The following AP1M1 variants were observed in gnomAD, a reference collection of about 807,000 sequenced individuals.
The protein encoded by AP1M1 is AP-1 complex subunit mu-1.
AP1M1 carries 18 observed loss-of-function variants against 57.1 expected under a neutral mutation model. That is an observed-to-expected ratio of 0.32 (90% confidence interval 0.22 to 0.47). AP1M1 has a LOEUF of 0.47. Among genes scored for constraint, AP1M1 ranks in the 20% least tolerant of loss-of-function variants. The probability of loss-of-function intolerance (pLI) is 1.00; values close to 1 mark genes in which losing one functional copy is unlikely to be tolerated. For missense variants in AP1M1, 362 were observed against 593.5 expected (o/e 0.61, Z 4.05); for synonymous variants, 241 against 237.9 (o/e 1.01, Z -0.12).
intron 5 of AP1M1, among the ~76,000 whole-genome samples, chr19:16,215,161 C>T (rs1172386579): frequency 1.7e-5 from 2 of 120,642 alleles, no homozygotes. Context: ...TGGTGGCTTA[C>T]ACCTGTAATC....
At chr19:16,217,526 C>A (rs2091524162) in intron 5 of AP1M1, among the ~76,000 whole-genome samples, 1 of 152,050 alleles carries the variant, frequency 6.6e-6, no homozygotes, top group African/African-American at 2.4e-5. Flanking sequence ...GGCCGCTGTG[C>A]AGGAGTATTC....
rs954754560 is a variant in AP1M1 at position 16,203,177 on chromosome 19, G to A, written c.43-282G>A. 2 of 453,854 alleles carry A rather than the reference G, an allele frequency of 4.4e-6. No individual in the cohort carries two copies. Among genetic ancestry groups the A allele is most frequent in the Non-Finnish European group, 8.1e-6 (2 of 247,310 alleles). 28.1% of individuals were successfully genotyped at this position (453,854 alleles called of 1,614,324 possible). On this transcript the variant is annotated intron_variant, in intron 1 of 11. Transcript: ENST00000291439. This position sits in a 1 kb window ranked among gnomAD's most constrained non-coding sequence, Gnocchi z 4.6. ...AGGCATTGCTTAACCTGATGTCTCT[G>A]GGTGATTCAGTCCTGGACCTTTGCT...
In AP1M1 at chr19:16,242,009, AAAAG is replaced by A. The variant is rs1263535871; in HGVS notation, c.*7578_*7581del. 6.6e-6 allele frequency: 1 copy of A among 152,040 alleles called. No individual in the cohort carries two copies. The highest frequency in any genetic ancestry group is 2.4e-5 in the African/African-American group (1 of 40,990). The allele number at this position is 152,040 out of a possible 1,614,324, so 9.4% of individuals were successfully genotyped here. A position where few individuals can be genotyped will look rare whatever the true frequency, so the allele number is the denominator to read the frequency against. ...TCCATCTCAAAAAAAAAAAGAAAGA[AAAAG>A]AAAAAGAACAATCAGGAGGCCAGGT... On this transcript the variant is annotated 3_prime_UTR_variant, in exon 12 of 12. Transcript: ENST00000291439.
chr19:16,228,137 G>C lies in AP1M1; in HGVS notation c.817G>C (p.Val273Leu). Residue 273 changes from valine (V) to leucine (L), a missense_variant and splice_region_variant, in exon 8 of 12, where the codon GTC (valine) becomes CTC (leucine). Transcript: ENST00000291439. The surrounding 1 kb of genome is among the most constrained non-coding windows in gnomAD (Gnocchi z 5.0). Reference sequence around the variant, plus strand: ...GCACCCTCTTTGCCCTCCTTGGCAGGTCAAGCCTTTGATATGGATCGAGTC... The same window carrying C: ...GCACCCTCTTTGCCCTCCTTGGCAGCTCAAGCCTTTGATATGGATCGAGTC... Reference protein sequence around the residue: ...ELMSYRLNTHVKPLIWIESVI... With the variant: ...ELMSYRLNTHLKPLIWIESVI... The C allele has an allele frequency of 2.5e-6, 4 of 1,613,860 alleles. No individual in the cohort carries two copies. The highest frequency in any genetic ancestry group is 3.4e-6 in the Non-Finnish European group (4 of 1,180,020).
rs1315098202 is a variant in AP1M1, at chr19:16,236,175, C to G, written c.*1740C>G. On this transcript the variant is annotated 3_prime_UTR_variant, in exon 12 of 12. Transcript: ENST00000291439. ...CCATTTGCCATCCTCGCTGCCACCCCCGGGGCCTAGCTCCAGTGTGGGCTG... is the reference window on the plus strand; with the variant it reads ...CCATTTGCCATCCTCGCTGCCACCCGCGGGGCCTAGCTCCAGTGTGGGCTG... 1.3e-5 allele frequency: 2 copies of G among 152,736 alleles called. No individual in the cohort carries two copies. Among genetic ancestry groups the G allele is most frequent in the African/African-American group, 4.8e-5 (2 of 41,482 alleles). 9.5% of individuals were successfully genotyped at this position (152,736 alleles called of 1,614,324 possible).
rs758851876 is a variant in AP1M1, at chr19:16,243,434, A to ATTT, written c.*9013_*9015dup. 1 of 137,654 alleles carries ATTT rather than the reference A, an allele frequency of 7.3e-6. No individual in the cohort carries two copies. The highest frequency in any genetic ancestry group is 2.6e-5 in the African/African-American group (1 of 37,794). The allele number at this position is 137,654 out of a possible 1,614,324, so 8.5% of individuals were successfully genotyped here. A position where few individuals can be genotyped will look rare whatever the true frequency, so the allele number is the denominator to read the frequency against. The stretch of plus-strand genomic sequence containing the variant: ...CAGGTGAGCACCACCAAGCTCAGCT[A>ATTT]TTTTTTTTTTTTTTTTGTATTTTTA... On this transcript the variant is annotated 3_prime_UTR_variant, in exon 12 of 12. Coordinates refer to ENST00000291439, the MANE Select transcript of AP1M1 (RefSeq NM_032493.4).
In AP1M1 at chr19:16,225,051, G is replaced by A. The variant is rs548128091; in HGVS notation, c.547-1370G>A. Among the ~76,000 whole-genome samples, 7 of 152,292 alleles carry A rather than the reference G, an allele frequency of 4.6e-5. No individual in the cohort carries two copies. The South Asian group carries it at 1.5e-3, about 32-fold the overall frequency. On this transcript the variant is annotated intron_variant, in intron 5 of 11. Coordinates refer to ENST00000291439, the MANE Select transcript of AP1M1 (RefSeq NM_032493.4). ...GGAGCCGCTTGCGAGATGAGGACAG[G>A]ACAGCACGAGGAGGTGAGGCTGGGG...
intron 5 of AP1M1, among the ~76,000 whole-genome samples, chr19:16,217,782 G>A (rs2091525102): frequency 6.6e-6 from 1 of 152,164 alleles, no homozygotes; most frequent in Admixed American, 6.5e-5. Flanking sequence ...GGGTGTCCTG[G>A]CTGTGCTCCA....
chr19:16,208,294 T>C, intron 4 of AP1M1, 145 bp downstream of exon 4: 1 of 888,790 alleles, frequency 1.1e-6, no homozygotes, highest in Non-Finnish European at 1.6e-6. Context: ...GGGTTTTTAC[T>C]AAGTTGCTCT....
intron 5 of AP1M1, among the ~76,000 whole-genome samples, chr19:16,222,194 TTAC>T (rs763276739): frequency 0.042 from 4,998 of 117,878 alleles, 167 homozygotes; most frequent in African/African-American, 0.099. Flanking sequence ...ATTATTATTA[TTAC>T]TATTATTATT....
rs2091471724 is a variant in AP1M1, at chr19:16,206,903, T to C, written c.267+495T>C. Among the ~76,000 whole-genome samples, 1 of 152,138 alleles carries C rather than the reference T, an allele frequency of 6.6e-6. No homozygotes were observed. Among genetic ancestry groups the C allele is most frequent in the Admixed American group, 6.5e-5 (1 of 15,278 alleles). On this transcript the variant is annotated intron_variant, in intron 3 of 11. Coordinates refer to ENST00000291439, the MANE Select transcript of AP1M1 (RefSeq NM_032493.4). The surrounding 1 kb of genome is among the most constrained non-coding windows in gnomAD (Gnocchi z 4.3). ...GGCGCCAGGACAGGTGTATGTGTGG[T>C]GCAGCTAGGGAGGCCAGCGTGCGTG...
intron 1 of AP1M1, among the ~76,000 whole-genome samples, chr19:16,199,703 G>A (rs548279517): frequency 6.0e-5 from 9 of 150,086 alleles, no homozygotes; most frequent in African/African-American, 2.4e-5. Flanking sequence ...TCCCTCCCCC[G>A]CCTTCTTGGA....
At chr19:16,205,203 C>T in intron 2 of AP1M1, among the ~76,000 whole-genome samples, 1 of 152,160 alleles carries the variant, frequency 6.6e-6, no homozygotes, top group East Asian at 1.9e-4. Context: ...GGAGAGGTGG[C>T]TGTGGTCTGA....
chr19:16,209,663 T>G (rs987745414), intron 5 of AP1M1, among the ~76,000 whole-genome samples: 2 of 151,744 alleles, frequency 1.3e-5, no homozygotes, highest in African/African-American at 2.4e-5. Flanking sequence ...TCAGAAAGAT[T>G]AGGATTTATT....
At position 16,228,960 on chromosome 19, in the gene AP1M1, C is replaced by A; in HGVS notation, c.1047+32C>A. 1 of 1,604,076 alleles carries A rather than the reference C, an allele frequency of 6.2e-7. No individual in the cohort carries two copies. Among genetic ancestry groups the A allele is most frequent in the South Asian group, 1.1e-5 (1 of 90,732 alleles). On this transcript the variant is annotated intron_variant, in intron 9 of 11. Coordinates refer to ENST00000291439, the MANE Select transcript of AP1M1 (RefSeq NM_032493.4). The surrounding 1 kb of genome is among the most constrained non-coding windows in gnomAD (Gnocchi z 5.0). ...ACTCTGTCCAGACATCCACGTGCCC[C>A]CTGCGCCTGTCTCTGCAAGGCAGCC...
At chr19:16,215,200 C>CGGGGGGGGAGGGGGGGGGGGG (rs2091512863) in intron 5 of AP1M1, among the ~76,000 whole-genome samples, 1 of 7,370 alleles carries the variant, frequency 1.4e-4, no homozygotes, top group African/African-American at 4.2e-4. Flanking sequence ...AAGGCGGGGG[C>CGGGGGGGGAGGGGGGGGGGGG]GGGGGGGGGG....
At chr19:16,218,157 C>T (rs534897371) in intron 5 of AP1M1, among the ~76,000 whole-genome samples, 27 of 152,348 alleles carry the variant, frequency 1.8e-4, no homozygotes, top group Middle Eastern at 3.4e-3. Context: ...CCGCTCTGGG[C>T]GCACTGCCCA....
At chr19:16,225,751 A>G (rs939793487) in intron 5 of AP1M1, among the ~76,000 whole-genome samples, 2 of 152,158 alleles carry the variant, frequency 1.3e-5, no homozygotes, top group Non-Finnish European at 2.9e-5. Flanking sequence ...ATTTTGGATC[A>G]AGTGTTATCA....
intron 5 of AP1M1, among the ~76,000 whole-genome samples, chr19:16,225,810 C>T (rs1025031831): frequency 8.5e-5 from 13 of 152,174 alleles, no homozygotes; most frequent in Non-Finnish European, 1.9e-4. Context: ...ACTCAGGAAG[C>T]ACCATCTCTC....
Sources: gnomAD v4.1 joint callset for allele counts (sites outside exome capture counted in the v4.1 genomes callset) on GRCh38, gnomAD v4.1.1 for gene constraint, Gnocchi (gnomAD v3.1) non-coding constraint, MANE v1.5 for transcripts, NCBI Gene and HGNC (gene_info 2026-07-23, HGNC 2026-07-21) for gene names.